The following MBNL2 variants were observed in gnomAD, a reference collection of about 807,000 sequenced individuals.
The protein encoded by MBNL2 is muscleblind like splicing regulator 2.
A neutral mutation model predicts 41.9 loss-of-function variants in MBNL2; 17 were observed. That is an observed-to-expected ratio of 0.41 (90% CI 0.28 to 0.61). The LOEUF is 0.61. Ranked by LOEUF, MBNL2 falls within the 20% of genes least tolerant of loss-of-function variation. The probability of loss-of-function intolerance (pLI) is 0.35; values close to 1 mark genes in which losing one functional copy is unlikely to be tolerated. For synonymous variants in MBNL2, 195 were observed against 182.9 expected (o/e 1.07, Z -0.53); for missense variants, 336 against 505.6 (o/e 0.66, Z 3.22).
At chr13:97,169,307 T>G in the MBNL2 span, among the ~76,000 whole-genome samples, 1 of 152,216 alleles carries the variant, frequency 6.6e-6, no homozygotes. Flanking sequence ...TCCATTTTCT[T>G]ACATTCAGAT....
intron 2 of MBNL2, among the ~76,000 whole-genome samples, chr13:97,325,731 AAAAT>A (rs1242999269): frequency 6.6e-6 from 1 of 152,250 alleles, no homozygotes; most frequent in Non-Finnish European, 1.5e-5. Context: ...CCCTGTTTCA[AAAAT>A]AAAAATAAAA....
chr13:97,228,219 A>G (rs2041917291), intron 1 of MBNL2, among the ~76,000 whole-genome samples: 1 of 152,160 alleles, frequency 6.6e-6, no homozygotes, highest in South Asian at 2.1e-4. Flanking sequence ...AGCTCTGAAA[A>G]GCTCTGACAG....
At chr13:97,144,423 C>CTTTTTTTTTTTTTTTTTTTTTTTTTT in the MBNL2 span, among the ~76,000 whole-genome samples, 1 of 118,108 alleles carries the variant, frequency 8.5e-6, no homozygotes, top group African/African-American at 4.0e-5. Flanking sequence ...CATGATACTT[C>CTTTTTTTTTTTTTTTTTTTTTTTTTT]TTTTTTTTTT....
the MBNL2 span, among the ~76,000 whole-genome samples, chr13:97,183,070 C>T: frequency 1.1e-4 from 17 of 152,214 alleles, no homozygotes; most frequent in Middle Eastern, 3.4e-3. Flanking sequence ...CAAACATAAA[C>T]GCAGATGCAT....
intron 7 of MBNL2, among the ~76,000 whole-genome samples, chr13:97,362,108 C>G (rs2063461397): frequency 1.3e-5 from 2 of 151,858 alleles, no homozygotes; most frequent in Non-Finnish European, 2.9e-5. Flanking sequence ...CCCCTTGATC[C>G]AAAATGCTTG....
At chr13:97,236,511 GTCT>G (rs1344781776) in intron 1 of MBNL2, among the ~76,000 whole-genome samples, 1 of 149,582 alleles carries the variant, frequency 6.7e-6, no homozygotes, top group African/African-American at 2.5e-5. Flanking sequence ...AGGATATGTG[GTCT>G]TTTTTTTTTT....
chr13:97,293,959 C>T (rs2056612808), intron 2 of MBNL2, among the ~76,000 whole-genome samples: 1 of 152,034 alleles, frequency 6.6e-6, no homozygotes, highest in African/African-American at 2.4e-5. Context: ...CCTTCCCATC[C>T]TTTCCCCCGA....
Position 97,236,632 on chromosome 13 carries a change from G to T in MBNL2, c.-605+14101G>T, listed in dbSNP as rs556705014. On this transcript the variant is annotated intron_variant, in intron 1 of 8. Transcript: ENST00000679496. The stretch of plus-strand genomic sequence containing the variant: ...TATATTTTTATTCTTTTCCCACTTG[G>T]ACCTCCGCTTTTTATTCATTTCTCT... Among the ~76,000 whole-genome samples the T allele has an allele frequency of 7.9e-5, 12 of 151,898 alleles. No individual in the cohort carries two copies. In the South Asian group the frequency reaches 2.5e-3, roughly 32 times the overall value.
intron 2 of MBNL2, among the ~76,000 whole-genome samples, chr13:97,295,250 G>A (rs901802657): frequency 2.0e-5 from 3 of 152,056 alleles, no homozygotes; most frequent in African/African-American, 7.2e-5. Context: ...TACCTTGAGG[G>A]ATAAAAGTTT....
intron 1 of MBNL2, among the ~76,000 whole-genome samples, chr13:97,272,094 C>G (rs2051155977): frequency 6.6e-6 from 1 of 152,128 alleles, no homozygotes; most frequent in Non-Finnish European, 1.5e-5. Flanking sequence ...TCTATTGTTT[C>G]CTGACTTTTT....
At chr13:97,225,247 G>C (rs1028675951) in intron 1 of MBNL2, among the ~76,000 whole-genome samples, 1 of 152,154 alleles carries the variant, frequency 6.6e-6, no homozygotes, top group East Asian at 1.9e-4. Context: ...TAGATGCTGA[G>C]CTTAAGAGAA....
intron 2 of MBNL2, among the ~76,000 whole-genome samples, chr13:97,315,776 G>T (rs1205609888): frequency 6.6e-6 from 1 of 152,148 alleles, no homozygotes; most frequent in African/African-American, 2.4e-5. Context: ...CTGGCAATGT[G>T]GAAGGCCTTG....
At chr13:97,161,230 C>T in the MBNL2 span, among the ~76,000 whole-genome samples, 41 of 152,288 alleles carry the variant, frequency 2.7e-4, no homozygotes, top group South Asian at 7.7e-3. Flanking sequence ...AATTCAATCC[C>T]GCTGGAGTGC....
chr13:97,211,904 T>C, the MBNL2 span, among the ~76,000 whole-genome samples: 1 of 152,216 alleles, frequency 6.6e-6, no homozygotes, highest in Non-Finnish European at 1.5e-5. Flanking sequence ...GAGATCTAAA[T>C]GGATATCGGA....
intron 2 of MBNL2, among the ~76,000 whole-genome samples, chr13:97,283,240 G>T (rs1377640352): frequency 1.0e-5 from 1 of 97,234 alleles, no homozygotes; most frequent in Non-Finnish European, 2.5e-5. Context: ...TCAGTCATCA[G>T]CTCTGAAAGC....
At chr13:97,290,462 G>A (rs999208031) in intron 2 of MBNL2, among the ~76,000 whole-genome samples, 3 of 151,476 alleles carry the variant, frequency 2.0e-5, no homozygotes, top group African/African-American at 7.3e-5. Context: ...GGATCATGAG[G>A]TCAGGAGATC....
the MBNL2 span, among the ~76,000 whole-genome samples, chr13:97,168,618 A>C: frequency 6.6e-6 from 1 of 152,098 alleles, no homozygotes. Flanking sequence ...ATGTCTCCCC[A>C]GTGTTTAAAT....
At chr13:97,282,966 C>G (rs2053718448) in intron 2 of MBNL2, among the ~76,000 whole-genome samples, 1 of 152,212 alleles carries the variant, frequency 6.6e-6, no homozygotes, top group African/African-American at 2.4e-5. Flanking sequence ...CCAGTTGAAC[C>G]TAGTGCTGCT....
At chr13:97,375,489 A>C (rs1291790448) in intron 8 of MBNL2, among the ~76,000 whole-genome samples, 4 of 152,212 alleles carry the variant, frequency 2.6e-5, no homozygotes, top group Non-Finnish European at 5.9e-5. Flanking sequence ...AGGTGAGGTT[A>C]TTCCTGACAC....
Sources: allele counts gnomAD v4.1 joint callset (sites outside exome capture counted in the v4.1 genomes callset), GRCh38; gene constraint gnomAD v4.1.1; transcripts MANE v1.5; gene names NCBI Gene and HGNC (gene_info 2026-07-23, HGNC 2026-07-21).